Variants in PGCKA1 observed in about 807,000 individuals in gnomAD.
The protein encoded by PGCKA1 is PDCD10 and GCKIII kinases associated 1.
the PGCKA1 span, among the ~76,000 whole-genome samples, chr4:37,495,108 G>A: frequency 3.6e-4 from 54 of 151,672 alleles, no homozygotes; most frequent in East Asian, 9.4e-3. Context: ...ACATTCATGC[G>A]GCCAACAAAC....
chr4:37,499,992 G>A, the PGCKA1 span, among the ~76,000 whole-genome samples: 2,582 of 135,098 alleles, frequency 0.019, 87 homozygotes, highest in African/African-American at 0.069. Context: ...GCACGATCTC[G>A]GCTCACTGCA....
chr4:37,511,879 A>G, the PGCKA1 span, among the ~76,000 whole-genome samples: 2 of 152,210 alleles, frequency 1.3e-5, no homozygotes, highest in Non-Finnish European at 2.9e-5. Context: ...TCCCAGCCAC[A>G]GTGGCAAGAC....
At chr4:37,523,235 G>C in the PGCKA1 span, among the ~76,000 whole-genome samples, 3 of 152,124 alleles carry the variant, frequency 2.0e-5, no homozygotes, top group Admixed American at 6.5e-5. Flanking sequence ...AGCTGAGTTT[G>C]GTCCTGTTTT....
At chr4:37,500,828 G>A in the PGCKA1 span, among the ~76,000 whole-genome samples, 1 of 152,166 alleles carries the variant, frequency 6.6e-6, no homozygotes, top group Non-Finnish European at 1.5e-5. Flanking sequence ...ATATATTTAG[G>A]ATAGTTTCTT....
the PGCKA1 span, among the ~76,000 whole-genome samples, chr4:37,528,959 A>T: frequency 6.6e-6 from 1 of 152,350 alleles, no homozygotes; most frequent in African/African-American, 2.4e-5. Context: ...CCATACTATT[A>T]CTTCAGAAAA....
the PGCKA1 span, among the ~76,000 whole-genome samples, chr4:37,465,754 C>G: frequency 6.6e-6 from 1 of 152,160 alleles, no homozygotes; most frequent in East Asian, 1.9e-4. Context: ...TCGATTCACC[C>G]TCACAATCCA....
At chr4:37,519,993 G>T in the PGCKA1 span, among the ~76,000 whole-genome samples, 2 of 152,248 alleles carry the variant, frequency 1.3e-5, no homozygotes, top group South Asian at 2.1e-4. Context: ...TTCATCAAAT[G>T]CTTTTTCAGT....
At chr4:37,556,437 T>C in the PGCKA1 span, among the ~76,000 whole-genome samples, 1 of 135,886 alleles carries the variant, frequency 7.4e-6, no homozygotes, top group Non-Finnish European at 1.6e-5. Context: ...CAGGTTAATT[T>C]TTTGTATTTT....
At chr4:37,453,541 G>A in the PGCKA1 span, among the ~76,000 whole-genome samples, 1 of 152,160 alleles carries the variant, frequency 6.6e-6, no homozygotes. Flanking sequence ...AGTTCTCGGG[G>A]TTTGGGAGTA....
chr4:37,486,765 G>T, the PGCKA1 span, among the ~76,000 whole-genome samples: 7 of 152,056 alleles, frequency 4.6e-5, no homozygotes, highest in African/African-American at 1.7e-4. Context: ...TCTTGCTTCA[G>T]CTCACCATCC....
chr4:37,454,432 A>C, the PGCKA1 span, among the ~76,000 whole-genome samples: 1 of 152,194 alleles, frequency 6.6e-6, no homozygotes, highest in Non-Finnish European at 1.5e-5. Context: ...ATTTTACCTT[A>C]GATCTGTGCC....
the PGCKA1 span, among the ~76,000 whole-genome samples, chr4:37,573,716 ATCT>A: frequency 6.6e-6 from 1 of 152,180 alleles, no homozygotes; most frequent in East Asian, 1.9e-4. Context: ...CTATTATGAA[ATCT>A]TCTTGCATAC....
the PGCKA1 span, among the ~76,000 whole-genome samples, chr4:37,461,372 G>C: frequency 6.6e-6 from 1 of 152,014 alleles, no homozygotes; most frequent in Non-Finnish European, 1.5e-5. Context: ...ATGGTGGTTT[G>C]ATGGGAATAG....
At chr4:37,567,742 G>C in the PGCKA1 span, among the ~76,000 whole-genome samples, 1 of 152,030 alleles carries the variant, frequency 6.6e-6, no homozygotes, top group Non-Finnish European at 1.5e-5. Context: ...CCAGAACCTA[G>C]CACAGTGCCT....
the PGCKA1 span, among the ~76,000 whole-genome samples, chr4:37,488,392 G>C: frequency 6.6e-6 from 1 of 152,092 alleles, no homozygotes; most frequent in African/African-American, 2.4e-5. Flanking sequence ...GTCATGCCAT[G>C]TGATAAATCC....
the PGCKA1 span, among the ~76,000 whole-genome samples, chr4:37,506,542 A>C: frequency 3.3e-5 from 5 of 149,624 alleles, 1 homozygote; most frequent in African/African-American, 1.2e-4. Flanking sequence ...CTGGTCATTC[A>C]GGAGTGTATT....
the PGCKA1 span, among the ~76,000 whole-genome samples, chr4:37,497,072 A>C: frequency 7.9e-5 from 12 of 152,132 alleles, no homozygotes. Flanking sequence ...ATTATCTTTT[A>C]TCCCTCATTC....
chr4:37,591,326 T>A, the PGCKA1 span: 2 of 211,586 alleles, frequency 9.5e-6, no homozygotes, highest in Non-Finnish European at 1.9e-5. Context: ...GGTACAGATG[T>A]TTATGAGAAT....
chr4:37,517,270 A>AAT, the PGCKA1 span, among the ~76,000 whole-genome samples: 1,343 of 144,430 alleles, frequency 9.3e-3, 21 homozygotes, highest in African/African-American at 0.034. Flanking sequence ...TATATATATA[A>AAT]ATATATATAT....
Sources: allele counts gnomAD v4.1 joint callset (sites outside exome capture counted in the v4.1 genomes callset), GRCh38; gene constraint gnomAD v4.1.1; transcripts MANE v1.5; gene names NCBI Gene and HGNC (gene_info 2026-07-23, HGNC 2026-07-21).